KIAA1217: variants seen among roughly 807,000 people sequenced by gnomAD.
The protein encoded by KIAA1217 is sickle tail protein homolog.
Under a neutral mutation model 163.9 loss-of-function variants are expected in KIAA1217, and 88 were observed. That is an observed-to-expected ratio of 0.54 (90% confidence interval 0.45 to 0.64). The LOEUF (loss-of-function observed/expected upper bound fraction) is 0.64. KIAA1217 is among the 30% of genes least tolerant of loss of function. The probability of loss-of-function intolerance (pLI) is 0.00; values close to 1 mark genes in which losing one functional copy is unlikely to be tolerated. For synonymous variants in KIAA1217, 903 were observed against 923.1 expected (o/e 0.98, Z 0.39); for missense variants, 2,372 against 2,475.0 (o/e 0.96, Z 0.88).
At chr10:23,863,850 A>G (rs929356655) in intron 1 of KIAA1217, among the ~76,000 whole-genome samples, 6 of 151,918 alleles carry the variant, frequency 3.9e-5, no homozygotes, top group Non-Finnish European at 8.8e-5. Context: ...CTTTCCTTAT[A>G]TTACACTCTG....
chr10:23,798,652 A>G (rs922020221), intron 1 of KIAA1217, among the ~76,000 whole-genome samples: 3 of 152,190 alleles, frequency 2.0e-5, no homozygotes, highest in African/African-American at 7.2e-5. Context: ...GTCTCCTAAA[A>G]CTAGAAAAGA....
At chr10:23,821,577 C>G (rs1221209580) in intron 1 of KIAA1217, among the ~76,000 whole-genome samples, 2 of 152,198 alleles carry the variant, frequency 1.3e-5, no homozygotes, top group African/African-American at 2.4e-5. Flanking sequence ...CTTGGCCCTT[C>G]TTTTAATAGC....
chr10:24,466,863 T>C (rs2063006418), intron 5 of KIAA1217: 1 of 870,590 alleles, frequency 1.1e-6, no homozygotes, highest in Non-Finnish European at 1.4e-6. Flanking sequence ...GCTTACTTCA[T>C]TGTGTGGTCT....
intron 1 of KIAA1217, among the ~76,000 whole-genome samples, chr10:23,913,002 T>C (rs974288464): frequency 6.6e-6 from 1 of 152,140 alleles, no homozygotes; most frequent in Non-Finnish European, 1.5e-5. Context: ...CTCTTCTGAG[T>C]TGTCTATGTA....
intron 2 of KIAA1217, among the ~76,000 whole-genome samples, chr10:24,146,927 G>C (rs183403228): frequency 1.4e-3 from 203 of 147,692 alleles, no homozygotes; most frequent in African/African-American, 5.0e-3. Flanking sequence ...AGCGTTGCTC[G>C]TATCTTCAAC....
intron 2 of KIAA1217, among the ~76,000 whole-genome samples, chr10:24,343,237 T>G (rs2047326606): frequency 6.6e-6 from 1 of 152,258 alleles, no homozygotes; most frequent in South Asian, 2.1e-4. Flanking sequence ...CCTATTTGGA[T>G]ATATATAATA....
chr10:23,970,826 C>T lies in KIAA1217; in HGVS notation c.-320-36399C>T, dbSNP rs1845282253. On this transcript the variant is annotated intron_variant, in intron 1 of 18. Coordinates refer to the KIAA1217 transcript ENST00000376462. ...ATAGGTGGCTGGACATACCTCATTTCGTCAGCAGCGGTAAGTCTGTACAGG... is the reference window on the plus strand; with the variant it reads ...ATAGGTGGCTGGACATACCTCATTTTGTCAGCAGCGGTAAGTCTGTACAGG... Among the ~76,000 whole-genome samples, 9 of 152,300 alleles carry T rather than the reference C, an allele frequency of 5.9e-5. 1 individual carries two copies. In the South Asian group the frequency reaches 1.0e-3, roughly 18 times the overall value.
intron 3 of KIAA1217, among the ~76,000 whole-genome samples, chr10:24,395,801 G>T (rs1323254014): frequency 6.6e-6 from 1 of 152,052 alleles, no homozygotes; most frequent in Non-Finnish European, 1.5e-5. Flanking sequence ...CTCTCAAGTA[G>T]CTGGGACTAT....
chr10:24,127,326 G>A (rs2063503357), intron 2 of KIAA1217, among the ~76,000 whole-genome samples: 1 of 152,092 alleles, frequency 6.6e-6, no homozygotes, highest in Non-Finnish European at 1.5e-5. Context: ...GGGTTGGGGA[G>A]GGTTTATATC....
chr10:24,178,909 T>G (rs959238377), intron 2 of KIAA1217, among the ~76,000 whole-genome samples: 2 of 152,188 alleles, frequency 1.3e-5, no homozygotes, highest in Non-Finnish European at 2.9e-5. Flanking sequence ...CAAATTTTAG[T>G]TATTTATTTA....
chr10:24,319,729 C>G (rs1423038578), intron 2 of KIAA1217, among the ~76,000 whole-genome samples: 5 of 152,194 alleles, frequency 3.3e-5, no homozygotes, highest in African/African-American at 1.2e-4. Context: ...ATGCAAGACC[C>G]CAACAACTGG....
chr10:24,243,402 A>G (rs1336219289), intron 2 of KIAA1217, among the ~76,000 whole-genome samples: 4 of 151,910 alleles, frequency 2.6e-5, no homozygotes, highest in South Asian at 2.1e-4. Flanking sequence ...TAATTTTTCA[A>G]CCCTCACCCC....
intron 3 of KIAA1217, among the ~76,000 whole-genome samples, chr10:24,386,000 C>A (rs2053957884): frequency 6.6e-6 from 1 of 152,052 alleles, no homozygotes; most frequent in Non-Finnish European, 1.5e-5. Flanking sequence ...GAAAGGGTAG[C>A]CACAAGATGT....
intron 1 of KIAA1217, among the ~76,000 whole-genome samples, chr10:23,807,532 G>C (rs1237474545): frequency 6.6e-6 from 1 of 152,200 alleles, no homozygotes; most frequent in Non-Finnish European, 1.5e-5. Flanking sequence ...TGGATGTGAA[G>C]TTTATAAAAC....
chr10:24,543,602 C>G lies in KIAA1217; in HGVS notation c.4332C>G (p.Ile1444Met). The change falls in exon 19 of 21, where the codon ATC becomes ATG. Residue 1444 changes from isoleucine to methionine, a missense_variant. Coordinates refer to ENST00000376454, the MANE Select transcript of KIAA1217 (RefSeq NM_019590.5). ...PVVCLDKKPV[I>M]IIFDEPMDIR... is the part of the protein sequence containing the mutation. ...TGTGCCTGGACAAGAAACCAGTGAT[C>G]ATCATTTTCGATGAGCCCATGGACA... 6.2e-7 allele frequency: 1 copy of G among 1,614,074 alleles called. No individual in the cohort carries two copies.
intron 1 of KIAA1217, among the ~76,000 whole-genome samples, chr10:23,730,193 G>T (rs1838399591): frequency 6.6e-6 from 1 of 152,184 alleles, no homozygotes. Flanking sequence ...GAGCCACCAT[G>T]CCCGGCTTCT....
At chr10:24,446,892 G>T (rs2060978422) in intron 5 of KIAA1217, among the ~76,000 whole-genome samples, 1 of 152,160 alleles carries the variant, frequency 6.6e-6, no homozygotes, top group Non-Finnish European at 1.5e-5. Context: ...AGCCAGGCAG[G>T]CCAACTCTAG....
chr10:23,912,846 G>C (rs1420861203), intron 1 of KIAA1217, among the ~76,000 whole-genome samples: 1 of 152,146 alleles, frequency 6.6e-6, no homozygotes, highest in Non-Finnish European at 1.5e-5. Context: ...AGGAAACGGA[G>C]AGCAATCATT....
At chr10:23,760,732 G>A (rs2130856469) in intron 1 of KIAA1217, among the ~76,000 whole-genome samples, 1 of 152,266 alleles carries the variant, frequency 6.6e-6, no homozygotes, top group South Asian at 2.1e-4. Context: ...CTTGAGCTCA[G>A]GAGTTTGAGA....
Sources: allele counts gnomAD v4.1 joint callset (sites outside exome capture counted in the v4.1 genomes callset), GRCh38; gene constraint gnomAD v4.1.1; transcripts MANE v1.5; gene names NCBI Gene and HGNC (gene_info 2026-07-23, HGNC 2026-07-21).